The following FAM135B variants were observed in gnomAD, a reference collection of about 807,000 sequenced individuals.
FAM135B encodes the protein family with sequence similarity 135 member B.
In FAM135B, 43 loss-of-function variants were observed where a neutral mutation model predicts 127.7. The ratio of observed to expected loss-of-function variants is 0.34; its 90% CI spans 0.26 to 0.43. FAM135B has a LOEUF of 0.43. Ranked by LOEUF, FAM135B falls within the 20% of genes least tolerant of loss-of-function variation. The pLI is 1.00. For missense variants in FAM135B, 1,558 were observed against 1,725.6 expected (o/e 0.90, Z 1.72); for synonymous variants, 670 against 665.1 (o/e 1.01, Z -0.11).
chr8:138,348,127 CTTTTTT>C (rs58289442), intron 2 of FAM135B, among the ~76,000 whole-genome samples: 5 of 52,850 alleles, frequency 9.5e-5, no homozygotes, highest in South Asian at 1.2e-3. Context: ...TTTTCCTCCT[CTTTTTT>C]TTTTTTTTTT....
At chr8:138,149,027 G>A (rs369782664) in intron 13 of FAM135B, among the ~76,000 whole-genome samples, 4 of 151,200 alleles carry the variant, frequency 2.6e-5, no homozygotes, top group East Asian at 1.9e-4. Context: ...TATACCTAAC[G>A]TAAATGACGA....
Position 138,242,255 on chromosome 8 carries a change from C to T in FAM135B, c.669+687G>A, listed in dbSNP as rs1471156065. Among the ~76,000 whole-genome samples the T allele has an allele frequency of 1.4e-5, 2 of 138,480 alleles. No individual in the cohort carries two copies. The highest frequency in any genetic ancestry group is 3.1e-5 in the Non-Finnish European group (2 of 65,408). The allele number at this position is 138,480 out of a possible 152,430, so 90.8% of individuals were successfully genotyped here. ...TATTGGTCCTGTTTCTCTGGAGAACCCTGAATAATACAGGCTGTTTATTTA... is the reference window on the plus strand; with the variant it reads ...TATTGGTCCTGTTTCTCTGGAGAACTCTGAATAATACAGGCTGTTTATTTA... On this transcript the variant is annotated intron_variant, in intron 7 of 19. Coordinates refer to ENST00000395297, the MANE Select transcript of FAM135B (RefSeq NM_015912.4). The surrounding 1 kb of genome is among the most constrained non-coding windows in gnomAD (Gnocchi z 9.6).
chr8:138,347,617 A>AT (rs1215268537), intron 2 of FAM135B, among the ~76,000 whole-genome samples: 1 of 152,058 alleles, frequency 6.6e-6, no homozygotes, highest in African/African-American at 2.4e-5. Context: ...GAGATTTTTT[A>AT]TTTTTATTCT....
chr8:138,141,081 A>G lies in FAM135B; in HGVS notation c.3790+117T>C. On this transcript the variant is annotated intron_variant, in intron 17 of 19. Transcript: ENST00000395297. This position sits in a 1 kb window ranked among gnomAD's most constrained non-coding sequence, Gnocchi z 4.7. ...AGGCCAGGACTCCTCCCTCCATGCC[A>G]TGCTTGGAAAAGACTGCACAGTCAC... is the stretch of plus-strand genomic sequence containing the variant. 1 of 979,524 alleles carries G rather than the reference A, an allele frequency of 1.0e-6. No homozygotes were observed. The highest frequency in any genetic ancestry group is 1.5e-6 in the Non-Finnish European group (1 of 655,622). 60.7% of individuals were successfully genotyped at this position (979,524 alleles called of 1,614,324 possible). A position where few individuals can be genotyped will look rare whatever the true frequency, so the allele number is the denominator to read the frequency against.
At chr8:138,441,813 C>A (rs957478096) in intron 1 of FAM135B, 1 of 151,768 alleles carries the variant, frequency 6.6e-6, no homozygotes, top group Non-Finnish European at 1.5e-5. Context: ...TTACCCTCAG[C>A]AGCTGTGAGA....
chr8:138,289,704 G>A (rs13261568), intron 3 of FAM135B, among the ~76,000 whole-genome samples: 86,457 of 152,016 alleles, frequency 0.57, 26,005 homozygotes, highest in Non-Finnish European at 0.69. Context: ...TTATCTAGGA[G>A]GCTGAGCCCC....
intron 11 of FAM135B, among the ~76,000 whole-genome samples, chr8:138,173,843 A>C (rs1192869850): frequency 6.6e-6 from 1 of 152,240 alleles, no homozygotes; most frequent in East Asian, 1.9e-4. Context: ...TTCATTCCTC[A>C]GCAAACTTTC....
At chr8:138,393,589 C>G (rs2131336525) in intron 1 of FAM135B, among the ~76,000 whole-genome samples, 1 of 152,244 alleles carries the variant, frequency 6.6e-6, no homozygotes, top group South Asian at 2.1e-4. Context: ...AACAGAAAAG[C>G]CCTTTTTGCC....
At chr8:138,271,173 A>T (rs937539326) in intron 3 of FAM135B, among the ~76,000 whole-genome samples, 3 of 152,220 alleles carry the variant, frequency 2.0e-5, no homozygotes, top group Admixed American at 6.5e-5. Context: ...CACTTACTTG[A>T]AATATCTGAA....
chr8:138,316,155 T>C (rs969159202), intron 2 of FAM135B, among the ~76,000 whole-genome samples: 1 of 152,198 alleles, frequency 6.6e-6, no homozygotes, highest in Non-Finnish European at 1.5e-5. Context: ...TTTAAATACA[T>C]ACAATAAAAT....
intron 1 of FAM135B, among the ~76,000 whole-genome samples, chr8:138,413,532 T>C (rs567051876): frequency 6.6e-6 from 1 of 152,296 alleles, no homozygotes; most frequent in East Asian, 1.9e-4. Flanking sequence ...TAAAAAACAT[T>C]ATAAACTTTG....
intron 2 of FAM135B, among the ~76,000 whole-genome samples, chr8:138,339,225 G>A (rs183369924): frequency 9.2e-5 from 14 of 151,900 alleles, no homozygotes; most frequent in Admixed American, 2.0e-4. Flanking sequence ...TAACCTGCAC[G>A]TTGTGCACGT....
chr8:138,442,310 G>C (rs1835852688), intron 1 of FAM135B, among the ~76,000 whole-genome samples: 1 of 107,478 alleles, frequency 9.3e-6, no homozygotes, highest in African/African-American at 3.6e-5. Context: ...TCTTTTTATA[G>C]GCACAATGTA....
chr8:138,365,153 G>A (rs893164091), intron 2 of FAM135B, among the ~76,000 whole-genome samples: 4 of 152,098 alleles, frequency 2.6e-5, no homozygotes, highest in East Asian at 1.9e-4. Flanking sequence ...GGCTGATCAC[G>A]TAGCATTTTT....
At chr8:138,164,819 C>A (rs768760514) in intron 12 of FAM135B, among the ~76,000 whole-genome samples, 1 of 152,226 alleles carries the variant, frequency 6.6e-6, no homozygotes, top group African/African-American at 2.4e-5. Flanking sequence ...GGCTGTGTCA[C>A]GGGTGCATGT....
chr8:138,267,326 G>T (rs1325933946), intron 3 of FAM135B, among the ~76,000 whole-genome samples: 3 of 152,066 alleles, frequency 2.0e-5, no homozygotes, highest in Non-Finnish European at 2.9e-5. Flanking sequence ...CCAATCTCTA[G>T]AACTGTGAAA....
chr8:138,435,293 T>A (rs1835400890), intron 1 of FAM135B, among the ~76,000 whole-genome samples: 1 of 151,412 alleles, frequency 6.6e-6, no homozygotes, highest in African/African-American at 2.4e-5. Context: ...TAAGACTCCA[T>A]CTCAAAAAAA....
intron 19 of FAM135B, among the ~76,000 whole-genome samples, chr8:138,135,266 A>T (rs987487599): frequency 6.6e-6 from 1 of 152,184 alleles, no homozygotes; most frequent in Non-Finnish European, 1.5e-5. Flanking sequence ...GGAGACAAGA[A>T]AGTAGGCAAG....
At chr8:138,181,377 A>G (rs2131005432) in intron 9 of FAM135B, among the ~76,000 whole-genome samples, 1 of 152,332 alleles carries the variant, frequency 6.6e-6, no homozygotes, top group Non-Finnish European at 1.5e-5. Context: ...TTCTTGAACC[A>G]GTGCCTCTCA....
Sources: allele counts gnomAD v4.1 joint callset (sites outside exome capture counted in the v4.1 genomes callset), GRCh38; gene constraint gnomAD v4.1.1; non-coding constraint Gnocchi (gnomAD v3.1); transcripts MANE v1.5; gene names NCBI Gene and HGNC (gene_info 2026-07-23, HGNC 2026-07-21).